NMNAT1: variants seen among roughly 807,000 people sequenced by gnomAD.
NMNAT1 encodes nicotinamide nucleotide adenylyltransferase 1.
NMNAT1 carries 11 observed loss-of-function variants against 16.7 expected under a neutral mutation model. That is an observed-to-expected ratio of 0.66 (90% CI 0.41 to 1.09). NMNAT1 has a LOEUF of 1.09. Ranked by LOEUF, NMNAT1 falls within the 50% of genes least tolerant of loss-of-function variation. The probability of loss-of-function intolerance (pLI) is 0.00; values close to 1 mark genes in which losing one functional copy is unlikely to be tolerated. For missense variants in NMNAT1, 280 were observed against 332.3 expected, an observed-to-expected ratio of 0.84 and a Z score of 1.22; for synonymous variants, 110 against 119.8, an observed-to-expected ratio of 0.92 and a Z score of 0.53.
the NMNAT1 span, among the ~76,000 whole-genome samples, chr1:9,994,008 T>A: frequency 6.6e-6 from 1 of 152,112 alleles, no homozygotes. Flanking sequence ...TGCCTCAGTT[T>A]TTAGCTCTGT....
At chr1:9,989,261 C>T (rs1016850823), downstream of NMNAT1, among the ~76,000 whole-genome samples, 6 of 152,066 alleles carry the variant, frequency 3.9e-5, no homozygotes, top group African/African-American at 1.4e-4. Flanking sequence ...AGTTCAAGAC[C>T]AGCCTGGCCA....
rs746265756 is a variant in NMNAT1, at chr1:9,982,482, G to A, written c.621G>A (p.Arg207=). 1.2e-6 allele frequency: 2 copies of A among 1,614,112 alleles called. No homozygotes were observed. Among genetic ancestry groups the A allele is most frequent in the Non-Finnish European group, 1.7e-6 (2 of 1,180,044 alleles). ...IYESDVLWKH[R]SNIHVVNEWI... ...AATCGGATGTGCTGTGGAAACACCG[G>A]AGCAACATTCACGTGGTGAATGAAT... The change falls in exon 5 of 5, where the codon CGG becomes CGA. Residue 207 remains arginine (R), a synonymous_variant. Transcript: ENST00000377205.
At chr1:9,949,778 A>G (rs1641065919) in intron 1 of NMNAT1, 1 of 152,044 alleles carries the variant, frequency 6.6e-6, no homozygotes, top group Non-Finnish European at 1.5e-5. Context: ...TAAAGAAGCA[A>G]TAAATTGACC....
At chr1:9,977,847 G>A (rs914980382) in intron 3 of NMNAT1, among the ~76,000 whole-genome samples, 1 of 152,000 alleles carries the variant, frequency 6.6e-6, no homozygotes, top group Non-Finnish European at 1.5e-5. Flanking sequence ...AGCAGAATGA[G>A]ACTGTCTCAA....
intron 1 of NMNAT1, among the ~76,000 whole-genome samples, chr1:9,957,381 C>T (rs757157407): frequency 1.1e-4 from 16 of 148,844 alleles, no homozygotes; most frequent in Non-Finnish European, 1.8e-4. Context: ...CTTGCAGTGC[C>T]GCGATCTTGG....
intron 1 of NMNAT1, among the ~76,000 whole-genome samples, chr1:9,946,783 G>A (rs1330498481): frequency 6.6e-6 from 1 of 152,074 alleles, no homozygotes; most frequent in Non-Finnish European, 1.5e-5. Context: ...TGAATGGAGA[G>A]CTTGCCCCTT....
the NMNAT1 span, among the ~76,000 whole-genome samples, chr1:9,993,409 G>A: frequency 2.0e-5 from 3 of 151,832 alleles, no homozygotes; most frequent in Non-Finnish European, 4.4e-5. Flanking sequence ...TCAGGAGGTG[G>A]AGGTTGCAGT....
Position 9,984,962 on chromosome 1 carries a change from C to T in NMNAT1, c.*2261C>T, listed in dbSNP as rs918574733. 2.0e-5 allele frequency: 3 copies of T among 151,892 alleles called. No individual in the cohort carries two copies. The highest frequency in any genetic ancestry group is 7.3e-5 in the African/African-American group (3 of 41,326). 9.4% of individuals were successfully genotyped at this position (151,892 alleles called of 1,614,324 possible). A position where few individuals can be genotyped will look rare whatever the true frequency, so the allele number is the denominator to read the frequency against. On this transcript the variant is annotated 3_prime_UTR_variant, in exon 5 of 5. Coordinates refer to ENST00000377205, the MANE Select transcript of NMNAT1 (RefSeq NM_022787.4). The stretch of plus-strand genomic sequence containing the variant: ...AACAACAGAGTAGAAGGAAGGATGC[C>T]CTAGGTCAGCATGCAGGGTGGTGGG...
intron 1 of NMNAT1, among the ~76,000 whole-genome samples, chr1:9,965,569 A>G (rs1198433494): frequency 6.6e-6 from 1 of 151,506 alleles, no homozygotes; most frequent in Non-Finnish European, 1.5e-5. Context: ...ACACTCGCTA[A>G]TTTTTGTATT....
intron 1 of NMNAT1, among the ~76,000 whole-genome samples, chr1:9,961,169 C>T (rs754170220): frequency 2.0e-5 from 3 of 152,174 alleles, no homozygotes; most frequent in African/African-American, 2.4e-5. Flanking sequence ...TCCTCCAGCC[C>T]TTCCACATCC....
At chr1:9,970,617 A>T (rs922127246) in intron 1 of NMNAT1, among the ~76,000 whole-genome samples, 1 of 151,704 alleles carries the variant, frequency 6.6e-6, no homozygotes, top group African/African-American at 2.4e-5. Context: ...TGAACCTGGG[A>T]GGCGGAGCTT....
chr1:9,953,466 G>C (rs1427855904), intron 1 of NMNAT1, among the ~76,000 whole-genome samples: 2 of 150,940 alleles, frequency 1.3e-5, no homozygotes, highest in African/African-American at 4.9e-5. Flanking sequence ...TTTTGAGACG[G>C]AGTCTCACTC....
At chr1:9,996,094 A>G in the NMNAT1 span, among the ~76,000 whole-genome samples, 738 of 152,210 alleles carry the variant, frequency 4.8e-3, 9 homozygotes, top group African/African-American at 0.017. Flanking sequence ...GGCGGATCAC[A>G]AGGTCATGAG....
downstream of NMNAT1, among the ~76,000 whole-genome samples, chr1:9,988,184 G>T (rs1281128275): frequency 6.6e-6 from 1 of 152,012 alleles, no homozygotes; most frequent in African/African-American, 2.4e-5. Context: ...TTTTAATAGA[G>T]ACAGGGTTTC....
chr1:9,996,783 G>C, the NMNAT1 span, among the ~76,000 whole-genome samples: 1,022 of 152,218 alleles, frequency 6.7e-3, 8 homozygotes, highest in Non-Finnish European at 9.4e-3. Flanking sequence ...AAGCTGCGGC[G>C]TTACCGAGGT....
rs190316826 is a variant in NMNAT1 at position 9,982,114 on chromosome 1, C to T, written c.440-187C>T. On this transcript the variant is annotated intron_variant, in intron 4 of 4. Transcript: ENST00000377205. The stretch of plus-strand genomic sequence containing the variant: ...CTGACCTCAAGTGATCTACCCGCCT[C>T]GGCCTCCCAGAGTGCTGGGATTACA... Among the ~76,000 whole-genome samples the T allele has an allele frequency of 2.3e-4, 35 of 152,330 alleles. No homozygotes were observed. In the East Asian group the frequency reaches 3.9e-3, roughly 17 times the overall value.
chr1:9,975,908 T>C (rs1641796994), intron 3 of NMNAT1, 133 bp downstream of exon 3: 4 of 703,322 alleles, frequency 5.7e-6, no homozygotes, highest in Non-Finnish European at 9.6e-6. Context: ...TGTAAGCCAT[T>C]CCTGTGGAAG....
chr1:9,962,682 T>TTG (rs1641448750), intron 1 of NMNAT1, among the ~76,000 whole-genome samples: 1 of 126,442 alleles, frequency 7.9e-6, no homozygotes, highest in Non-Finnish European at 1.7e-5. Context: ...TAAGGGTTTT[T>TTG]TTTTTTTTTT....
At chr1:9,990,672 T>G in the NMNAT1 span, among the ~76,000 whole-genome samples, 3 of 151,926 alleles carry the variant, frequency 2.0e-5, no homozygotes, top group Non-Finnish European at 4.4e-5. Context: ...CATGCCAGTC[T>G]TTGCTGAACC....
Sources: gnomAD v4.1 joint callset for allele counts (sites outside exome capture counted in the v4.1 genomes callset) on GRCh38, gnomAD v4.1.1 for gene constraint, MANE v1.5 for transcripts, NCBI Gene and HGNC (gene_info 2026-07-23, HGNC 2026-07-21) for gene names.